Variants in LETM1 observed in about 807,000 individuals in gnomAD.
LETM1 encodes the protein mitochondrial proton/calcium exchanger protein.
In LETM1, 50 loss-of-function variants were observed where a neutral mutation model predicts 74.5. The ratio of observed to expected loss-of-function variants is 0.67; its 90% CI spans 0.53 to 0.85. LETM1 has a LOEUF of 0.85. LETM1 is among the 40% of genes least tolerant of loss of function. The pLI, the probability that LETM1 is intolerant of heterozygous loss-of-function variation, is 0.00. For synonymous variants in LETM1, 446 were observed against 407.1 expected, an observed-to-expected ratio of 1.10 and a Z score of -1.15; for missense variants, 824 against 967.8, an observed-to-expected ratio of 0.85 and a Z score of 1.97.
At chr4:1,828,989 G>A (rs1712144768) in intron 6 of LETM1, among the ~76,000 whole-genome samples, 1 of 111,010 alleles carries the variant, frequency 9.0e-6, no homozygotes, top group Non-Finnish European at 1.9e-5. Flanking sequence ...GGGCAGGGGG[G>A]CTGACCCCCC....
chr4:1,844,783 C>T lies in LETM1; in HGVS notation c.144-2986G>A, dbSNP rs185932059. On this transcript the variant is annotated intron_variant, in intron 2 of 13. Coordinates refer to ENST00000302787, the MANE Select transcript of LETM1 (RefSeq NM_012318.3). ...GCTCTATCAGCTGGGCACCATGGCT[C>T]ACACCTGTAATCCCAGCACTGCACG... 2.7e-5 allele frequency among the ~76,000 whole-genome samples: 4 copies of T among 150,448 alleles called. No homozygotes were observed. The East Asian group carries it at 7.9e-4, about 30-fold the overall frequency.
At chr4:1,846,265 C>T (rs1193305942) in intron 2 of LETM1, among the ~76,000 whole-genome samples, 2 of 152,014 alleles carry the variant, frequency 1.3e-5, no homozygotes, top group South Asian at 2.1e-4. Context: ...AAAAAAGTTA[C>T]GTGAATAAAG....
Position 1,815,738 on chromosome 4 carries a change from T to C in LETM1, c.1996A>G (p.Ser666Gly), listed in dbSNP as rs557251556. 1.2e-6 allele frequency: 2 copies of C among 1,614,224 alleles called. No individual in the cohort carries two copies. The highest frequency in any genetic ancestry group is 2.7e-5 in the African/African-American group (2 of 75,068). The change falls in exon 13 of 14, where the codon AGC (serine) becomes GGC (glycine). Residue 666 changes from serine (S) to glycine (G), a missense_variant. Around this residue, in one of 4 missense-constraint regions of LETM1, gnomAD observed 161 missense variants for 252.7 expected, o/e 0.64. Transcript: ENST00000302787. ...GCTGCGGCCAGGCTGGTGAGCTTGCTTTCGGGAATGTGCTTGACTTGCTTC... is the reference window on the plus strand; with the variant it reads ...GCTGCGGCCAGGCTGGTGAGCTTGCCTTCGGGAATGTGCTTGACTTGCTTC... ...AMKQVKHIPE[S>G]KLTSLAAALD...
chr4:1,828,867 AC>A (rs1712138195), intron 6 of LETM1, among the ~76,000 whole-genome samples: 1 of 28,652 alleles, frequency 3.5e-5, no homozygotes, highest in African/African-American at 1.5e-4. Context: ...GGAGGCTGAC[AC>A]CCCCACCTCC....
chr4:1,814,227 G>A lies in LETM1; in HGVS notation c.*197C>T, dbSNP rs539778529. 3.7e-5 allele frequency: 32 copies of A among 871,804 alleles called. No homozygotes were observed. The East Asian group carries it at 7.5e-4, about 20-fold the overall frequency. The allele number at this position is 871,804 out of a possible 1,614,324, so 54.0% of individuals were successfully genotyped here. A position where few individuals can be genotyped will look rare whatever the true frequency, so the allele number is the denominator to read the frequency against. On this transcript the variant is annotated 3_prime_UTR_variant, in exon 14 of 14. Transcript: ENST00000302787. ...AGTGTGGATCCAGACACGATTCTGT[G>A]GAGGGGTTCCGGGATTCCAGACAGA...
chr4:1,825,692 C>T lies in LETM1; in HGVS notation c.1081-9G>A. ...CCTTCCTCAGCAATCAGCTAGAAAA[C>T]AAAGCAGTGAATTATCATCTGGGAC... On this transcript the variant is annotated splice_polypyrimidine_tract_variant and intron_variant, in intron 6 of 13. Transcript: ENST00000302787. 2 of 1,609,898 alleles carry T rather than the reference C, an allele frequency of 1.2e-6. No homozygotes were observed. Among genetic ancestry groups the T allele is most frequent in the Non-Finnish European group, 1.7e-6 (2 of 1,177,492 alleles).
chr4:1,818,798 T>A (rs893687528), intron 11 of LETM1, among the ~76,000 whole-genome samples: 1 of 151,428 alleles, frequency 6.6e-6, no homozygotes, highest in Non-Finnish European at 1.5e-5. Flanking sequence ...AACTAAAAGA[T>A]GTGGCCAGGC....
chr4:1,825,610 C>T lies in LETM1; in HGVS notation c.1154G>A (p.Arg385Gln), dbSNP rs780380335. ...LQAACRARGM[R>Q]ALGVTEDRLR... ...GCGGTCTTCCGTGACGCCCAGGGCC[C>T]GCATGCCTCGTGCCCGACACGCTGC... is the stretch of plus-strand genomic sequence containing the variant. Residue 385 changes from arginine (R) to glutamine (Q), a missense_variant, in exon 7 of 14, where the codon CGG becomes CAG. By Grantham distance (43) the Arg-to-Gln change is conservative (BLOSUM62 1). Around this residue, in one of 4 missense-constraint regions of LETM1, gnomAD observed 269 missense variants for 348.8 expected, o/e 0.77. Coordinates refer to ENST00000302787, the MANE Select transcript of LETM1 (RefSeq NM_012318.3). 22 of 1,613,868 alleles carry T rather than the reference C, an allele frequency of 1.4e-5. No homozygotes were observed. Among genetic ancestry groups the T allele is most frequent in the East Asian group, 4.5e-5 (2 of 44,890 alleles).
In LETM1 at chr4:1,814,351, A is replaced by G; in HGVS notation, c.*73T>C. On this transcript the variant is annotated 3_prime_UTR_variant, in exon 14 of 14. Coordinates refer to ENST00000302787, the MANE Select transcript of LETM1 (RefSeq NM_012318.3). ...ATTAGATGAGCCACTGAGAATCACC[A>G]CAAAGCAATCGCCCTCACGGCCCTT... 1.2e-6 allele frequency: 2 copies of G among 1,607,038 alleles called. No homozygotes were observed. Among genetic ancestry groups the G allele is most frequent in the Non-Finnish European group, 1.7e-6 (2 of 1,174,990 alleles).
chr4:1,815,373 A>AC (rs529258041), intron 13 of LETM1, among the ~76,000 whole-genome samples: 4 of 151,338 alleles, frequency 2.6e-5, no homozygotes, highest in Admixed American at 6.6e-5. Context: ...TGTTTGCTGC[A>AC]CCCCCCCGGC....
Position 1,836,086 on chromosome 4 carries a change from T to C in LETM1, c.738+343A>G, listed in dbSNP as rs929455484. On this transcript the variant is annotated intron_variant, in intron 4 of 13. Coordinates refer to ENST00000302787, the MANE Select transcript of LETM1 (RefSeq NM_012318.3). This position sits in a 1 kb window ranked among gnomAD's most constrained non-coding sequence, Gnocchi z 5.8. ...CGAGACCTGTGTATGGTGGCACACA[T>C]GCCTATAATCCCAGCTACTTGGGAG... Among the ~76,000 whole-genome samples the C allele has an allele frequency of 6.7e-6, 1 of 149,608 alleles. No individual in the cohort carries two copies. Among genetic ancestry groups the C allele is most frequent in the Non-Finnish European group, 1.5e-5 (1 of 67,388 alleles).
chr4:1,847,823 T>TG, intron 2 of LETM1, among the ~76,000 whole-genome samples: 1 of 79,804 alleles, frequency 1.3e-5, no homozygotes, highest in East Asian at 3.5e-4. Flanking sequence ...AAACTCGGTC[T>TG]CAAAAAAAAA....
chr4:1,828,219 G>C (rs1461997532), intron 6 of LETM1, among the ~76,000 whole-genome samples: 2 of 132,802 alleles, frequency 1.5e-5, no homozygotes, highest in African/African-American at 2.8e-5. Context: ...TGGCCGGGCG[G>C]GGGGGGCTGA....
chr4:1,832,440 T>A (rs983460129), intron 6 of LETM1, among the ~76,000 whole-genome samples: 1 of 152,040 alleles, frequency 6.6e-6, no homozygotes, highest in African/African-American at 2.4e-5. Context: ...AAGACCCTGA[T>A]GTGAGGAGAG....
intron 13 of LETM1, among the ~76,000 whole-genome samples, chr4:1,815,331 GT>G (rs1172597275): frequency 2.0e-5 from 3 of 152,164 alleles, no homozygotes. Flanking sequence ...TCCCTGTGCA[GT>G]CGCCCCTCAG....
intron 1 of LETM1, among the ~76,000 whole-genome samples, chr4:1,854,192 C>G (rs958606042): frequency 1.9e-4 from 29 of 152,170 alleles, no homozygotes; most frequent in Non-Finnish European, 7.3e-5. Context: ...GTAAAAATTA[C>G]AAGAATTGGC....
chr4:1,814,234 T>G lies in LETM1; in HGVS notation c.*190A>C, dbSNP rs1577306545. 2.2e-6 allele frequency: 2 copies of G among 912,294 alleles called. No individual in the cohort carries two copies. Among genetic ancestry groups the G allele is most frequent in the Non-Finnish European group, 1.6e-6 (1 of 606,128 alleles). The allele number at this position is 912,294 out of a possible 1,614,324, so 56.5% of individuals were successfully genotyped here. On this transcript the variant is annotated 3_prime_UTR_variant, in exon 14 of 14. Transcript: ENST00000302787. ...ATCCAGACACGATTCTGTGGAGGGGTTCCGGGATTCCAGACAGACTGAATC... is the reference window on the plus strand; with the variant it reads ...ATCCAGACACGATTCTGTGGAGGGGGTCCGGGATTCCAGACAGACTGAATC...
At chr4:1,845,407 A>G (rs1036452380) in intron 2 of LETM1, among the ~76,000 whole-genome samples, 1 of 152,338 alleles carries the variant, frequency 6.6e-6, no homozygotes, top group East Asian at 1.9e-4. Context: ...GGAGTTCGAG[A>G]TGAGCCTGGC....
rs536830239 is a variant in LETM1 at position 1,829,543 on chromosome 4, A to T, written c.1080+3201T>A. ...AAAGATGCCGTTCTTGGCCAGGAAC[A>T]GTGGCTCACGCCTGTAATCCCAACA... On this transcript the variant is annotated intron_variant, in intron 6 of 13. Transcript: ENST00000302787. Among the ~76,000 whole-genome samples, 5 of 152,404 alleles carry T rather than the reference A, an allele frequency of 3.3e-5. No individual in the cohort carries two copies. The East Asian group carries it at 9.6e-4, about 29-fold the overall frequency.
Sources: allele counts gnomAD v4.1 joint callset (sites outside exome capture counted in the v4.1 genomes callset), GRCh38; gene constraint gnomAD v4.1.1; regional missense constraint gnomAD v4.1.1; non-coding constraint Gnocchi (gnomAD v3.1); transcripts MANE v1.5; gene names NCBI Gene and HGNC (gene_info 2026-07-23, HGNC 2026-07-21).